Variants in ERAP1 observed in about 807,000 individuals in gnomAD.
ERAP1 encodes the protein adipocyte-derived leucine aminopeptidase.
Under a neutral mutation model 103.7 loss-of-function variants are expected in ERAP1, and 86 were observed. That is an observed-to-expected ratio of 0.83 (90% CI 0.70 to 0.99). The LOEUF is 0.99. Ranked by LOEUF, ERAP1 falls within the 50% of genes least tolerant of loss-of-function variation. The probability of loss-of-function intolerance (pLI) is 0.00; values close to 1 mark genes in which losing one functional copy is unlikely to be tolerated. For synonymous variants in ERAP1, 398 were observed against 402.4 expected (o/e 0.99, Z 0.13); for missense variants, 1,009 against 1,128.4 (o/e 0.89, Z 1.52).
chr5:96,815,578 AT>A, the ERAP1 span, among the ~76,000 whole-genome samples: 1 of 151,798 alleles, frequency 6.6e-6, no homozygotes, highest in Non-Finnish European at 1.5e-5. Flanking sequence ...CATCCGGCTA[AT>A]TTTTGTACTT....
the ERAP1 span, chr5:96,917,837 T>C: frequency 5.1e-6 from 1 of 196,462 alleles, no homozygotes; most frequent in South Asian, 7.3e-5. Context: ...ACCCGGGAGG[T>C]GGAGCTTGCA....
At chr5:96,892,568 AG>A in the ERAP1 span, 1 of 1,221,982 alleles carries the variant, frequency 8.2e-7, no homozygotes, top group Non-Finnish European at 1.1e-6. Context: ...AGGGGAACTT[AG>A]AGACTACTAA....
the ERAP1 span, among the ~76,000 whole-genome samples, chr5:96,858,177 T>C: frequency 1.1e-3 from 164 of 152,122 alleles, no homozygotes; most frequent in Non-Finnish European, 2.1e-3. Context: ...TGAGTCACTG[T>C]TGACAATTGT....
At position 96,786,533 on chromosome 5, in the gene ERAP1, G is replaced by A. The variant is rs1776021557; in HGVS notation, c.1696C>T (p.Pro566Ser). Residue 566 changes from proline to serine, a missense_variant, in exon 12 of 19, where the codon CCA (proline) becomes TCA (serine). Pro to Ser is a moderately conservative substitution (Grantham distance 74). Coordinates refer to ENST00000443439, the MANE Select transcript of ERAP1 (RefSeq NM_001040458.3). ...GATTTGCTGGTGATGAATGTCAATG[G>A]AACATGCCACAGGTACCTAAAATAA... ...APDTGYLWHV[P>S]LTFITSKSDM... The A allele has an allele frequency of 6.2e-7, 1 of 1,611,756 alleles. No individual in the cohort carries two copies. The highest frequency in any genetic ancestry group is 8.5e-7 in the Non-Finnish European group (1 of 1,178,092).
intron 13 of ERAP1, 143 bp from the exon 14 acceptor site, chr5:96,784,223 G>T: frequency 1.2e-6 from 1 of 854,484 alleles, no homozygotes; most frequent in Non-Finnish European, 1.9e-6. Flanking sequence ...GGCCGGGCGC[G>T]GTGGCTCATG....
the ERAP1 span, among the ~76,000 whole-genome samples, chr5:96,916,702 T>C: frequency 0.038 from 5,744 of 151,756 alleles, 190 homozygotes; most frequent in Middle Eastern, 0.12. Context: ...TCTCCTGACC[T>C]CGTGATCCAC....
chr5:96,817,893 A>G, the ERAP1 span, among the ~76,000 whole-genome samples: 1 of 152,244 alleles, frequency 6.6e-6, no homozygotes, highest in Non-Finnish European at 1.5e-5. Context: ...AGGAGCAAGG[A>G]GTCTGGAAAA....
the ERAP1 span, among the ~76,000 whole-genome samples, chr5:96,850,156 A>T: frequency 6.6e-6 from 1 of 152,224 alleles, no homozygotes; most frequent in Non-Finnish European, 1.5e-5. Context: ...AAAAGAAAAC[A>T]TAAGGGAAAA....
chr5:96,794,698 G>T (rs1384229926), intron 5 of ERAP1, among the ~76,000 whole-genome samples: 2 of 152,198 alleles, frequency 1.3e-5, no homozygotes, highest in African/African-American at 4.8e-5. Flanking sequence ...AAAACAGTTT[G>T]TTGAGCATCC....
intron 17 of ERAP1, 28 bp from the exon 18 acceptor site, chr5:96,780,532 T>C: frequency 6.5e-7 from 1 of 1,536,246 alleles, no homozygotes; most frequent in Non-Finnish European, 9.0e-7. Context: ...CAAAAACGGG[T>C]TGTGAAATAC....
intron 13 of ERAP1, chr5:96,785,532 A>C (rs1775879086): frequency 4.3e-6 from 2 of 467,246 alleles, no homozygotes; most frequent in Non-Finnish European, 7.9e-6. Flanking sequence ...GGTTATCTAC[A>C]CTTCCGCCTC....
chr5:96,910,264 C>CAAAAAAAA, the ERAP1 span: 1 of 134,860 alleles, frequency 7.4e-6, no homozygotes. Flanking sequence ...GGCCCTGTCT[C>CAAAAAAAA]AAAAAAAAAA....
chr5:96,879,070 G>A, the ERAP1 span, among the ~76,000 whole-genome samples: 2 of 152,022 alleles, frequency 1.3e-5, no homozygotes, highest in African/African-American at 4.8e-5. Flanking sequence ...TACAAAAAAG[G>A]TAGCCGAGTG....
At chr5:96,859,652 C>G in the ERAP1 span, among the ~76,000 whole-genome samples, 1 of 152,294 alleles carries the variant, frequency 6.6e-6, no homozygotes, top group South Asian at 2.1e-4. Flanking sequence ...AACCACTTAA[C>G]CTCACTGGGC....
rs778847888 is a variant in ERAP1, at chr5:96,788,548, G to A, written c.1662C>T (p.Asp554=). ...AGCATTACCCAGTGTCCGGGGCGCC[G>A]TCAGAGCCCTTCATGTAGTGCTCTT... ...MKQEHYMKGS[D]GAPDTGYLWH... Residue 554 remains aspartate (D), a synonymous_variant, in exon 11 of 19, where the codon GAC becomes GAT. Coordinates refer to ENST00000443439, the MANE Select transcript of ERAP1 (RefSeq NM_001040458.3). The A allele has an allele frequency of 1.2e-5, 19 of 1,614,058 alleles. No homozygotes were observed. The highest frequency in any genetic ancestry group is 6.7e-5 in the Admixed American group (4 of 60,006).
the ERAP1 span, chr5:96,881,495 G>A: frequency 2.2e-6 from 1 of 455,990 alleles, no homozygotes; most frequent in African/African-American, 2.0e-5. Context: ...GAGGAGTCTG[G>A]CTCAGTGCAC....
intron 5 of ERAP1, 77 bp from the exon 6 acceptor site, chr5:96,794,034 T>A (rs1457449511): frequency 1.3e-6 from 2 of 1,483,570 alleles, no homozygotes; most frequent in Non-Finnish European, 1.9e-6. Flanking sequence ...TCAGAATGGA[T>A]AGGTGTTTGA....
chr5:96,781,276 G>T, intron 16 of ERAP1, 78 bp from the exon 17 acceptor site: 1 of 1,467,890 alleles, frequency 6.8e-7, no homozygotes, highest in Non-Finnish European at 9.4e-7. Context: ...AAAATTACTT[G>T]TAAAAGAAAA....
At chr5:96,903,683 CA>C in the ERAP1 span, 1 of 872,748 alleles carries the variant, frequency 1.1e-6, no homozygotes. Flanking sequence ...GGAATTCAAA[CA>C]GTGATCACTA....
Sources: allele counts gnomAD v4.1 joint callset (sites outside exome capture counted in the v4.1 genomes callset), GRCh38; gene constraint gnomAD v4.1.1; transcripts MANE v1.5; gene names NCBI Gene and HGNC (gene_info 2026-07-23, HGNC 2026-07-21).